USP43: variants seen among roughly 807,000 people sequenced by gnomAD.
USP43 encodes ubiquitin specific peptidase 43.
USP43 carries 33 observed loss-of-function variants against 90.7 expected under a neutral mutation model. The observed-to-expected ratio is 0.36, with a 90% CI of 0.28 to 0.49. The LOEUF is 0.49. Ranked by LOEUF, USP43 falls within the 20% of genes least tolerant of loss-of-function variation. USP43 has a pLI of 0.98. For missense variants in USP43, 1,274 were observed against 1,476.4 expected, an observed-to-expected ratio of 0.86 and a Z score of 2.25; for synonymous variants, 598 against 615.8, an observed-to-expected ratio of 0.97 and a Z score of 0.43.
intron 2 of USP43, among the ~76,000 whole-genome samples, chr17:9,661,415 G>GGA (rs1466620433): frequency 1.3e-5 from 2 of 152,034 alleles, no homozygotes; most frequent in African/African-American, 4.8e-5. Flanking sequence ...GGAGTGCAGT[G>GGA]GAGTGATCAT....
Position 9,701,173 on chromosome 17 carries a change from GCAGCAGCAGGCGCAT to G in USP43, c.1599_1613del (p.Gln533_Gln537del). 1 of 1,541,828 alleles carries G rather than the reference GCAGCAGCAGGCGCAT, an allele frequency of 6.5e-7. No homozygotes were observed. The highest frequency in any genetic ancestry group is 8.8e-7 in the Non-Finnish European group (1 of 1,142,480). On this transcript the variant is annotated inframe_deletion, in exon 11 of 15. Transcript: ENST00000285199. The surrounding 1 kb of genome is among the most constrained non-coding windows in gnomAD (Gnocchi z 7.2). ...CGCAGGATGCCGACAGTGTGTGGCA[GCAGCAGCAGGCGCAT>G]CAGCAGCACAGCTGTACCTTGGATG...
At position 9,690,124 on chromosome 17, in the gene USP43, G is replaced by A. The variant is rs1567666108; in HGVS notation, c.1354-3003G>A. 3.3e-5 allele frequency among the ~76,000 whole-genome samples: 5 copies of A among 152,116 alleles called. 1 individual carries two copies. Among genetic ancestry groups the A allele is most frequent in the South Asian group, 2.1e-4 (1 of 4,832 alleles). On this transcript the variant is annotated intron_variant, in intron 8 of 14. Transcript: ENST00000285199. Reference sequence around the variant, plus strand: ...CTTGTGGCCGATGCTCCCTGCACACGTCAGCTCCCACAGCCAAAGGGGTCG... The same window carrying A: ...CTTGTGGCCGATGCTCCCTGCACACATCAGCTCCCACAGCCAAAGGGGTCG...
intron 14 of USP43, among the ~76,000 whole-genome samples, chr17:9,723,176 A>C (rs1295058193): frequency 6.6e-6 from 1 of 152,144 alleles, no homozygotes; most frequent in Non-Finnish European, 1.5e-5. Flanking sequence ...CCAGGGTTGC[A>C]GGTGAGAAGC....
At chr17:9,650,903 A>G (rs1347535317) in intron 1 of USP43, among the ~76,000 whole-genome samples, 1 of 151,930 alleles carries the variant, frequency 6.6e-6, no homozygotes, top group African/African-American at 2.4e-5. Flanking sequence ...TAAGTTCTTT[A>G]GTGGTGATTT....
chr17:9,681,878 G>A (rs1914311780), intron 6 of USP43, among the ~76,000 whole-genome samples: 1 of 152,134 alleles, frequency 6.6e-6, no homozygotes, highest in Non-Finnish European at 1.5e-5. Context: ...ATTTTGGCCA[G>A]CCTAGGTAGC....
chr17:9,697,799 G>T (rs1432559113), intron 9 of USP43, among the ~76,000 whole-genome samples: 1 of 152,002 alleles, frequency 6.6e-6, no homozygotes, highest in Non-Finnish European at 1.5e-5. Flanking sequence ...TGACAAACGT[G>T]TGAGTGCAGG....
chr17:9,692,648 A>G (rs1251306132), intron 8 of USP43, among the ~76,000 whole-genome samples: 1 of 152,238 alleles, frequency 6.6e-6, no homozygotes, highest in Admixed American at 6.5e-5. Flanking sequence ...TAGAATAATA[A>G]CTAAGGTGCT....
intron 8 of USP43, among the ~76,000 whole-genome samples, chr17:9,688,850 C>G (rs1266148216): frequency 6.6e-6 from 1 of 152,058 alleles, no homozygotes; most frequent in Non-Finnish European, 1.5e-5. Context: ...CCGTACCCAG[C>G]TAACTTTTTT....
At chr17:9,697,370 C>G (rs992723865) in intron 9 of USP43, among the ~76,000 whole-genome samples, 1 of 151,404 alleles carries the variant, frequency 6.6e-6, no homozygotes, top group Non-Finnish European at 1.5e-5. Context: ...GGTACGAGTG[C>G]AGGTTTTTAC....
rs1370871349 is a variant in USP43, at chr17:9,645,536, C to G, written c.-97C>G. The G allele has an allele frequency of 5.4e-5, 59 of 1,096,082 alleles. No homozygotes were observed. Among genetic ancestry groups the G allele is most frequent in the Non-Finnish European group, 6.5e-5 (58 of 889,532 alleles). 67.9% of individuals were successfully genotyped at this position (1,096,082 alleles called of 1,614,324 possible). A position where few individuals can be genotyped will look rare whatever the true frequency, so the allele number is the denominator to read the frequency against. ...CCCCGCACACCTGGCCCGCAGGTAG[C>G]CGGCACCAGGAGCCTTAGAGAAGCT... is the stretch of plus-strand genomic sequence containing the variant. On this transcript the variant is annotated 5_prime_UTR_variant, in exon 1 of 15. Coordinates refer to ENST00000285199, the MANE Select transcript of USP43 (RefSeq NM_153210.5). The surrounding 1 kb of genome is among the most constrained non-coding windows in gnomAD (Gnocchi z 6.8).
At chr17:9,650,336 T>C (rs1248178535) in intron 1 of USP43, among the ~76,000 whole-genome samples, 1 of 152,196 alleles carries the variant, frequency 6.6e-6, no homozygotes, top group Non-Finnish European at 1.5e-5. Context: ...AAGCATAAAA[T>C]TTAGGAAGTT....
intron 12 of USP43, among the ~76,000 whole-genome samples, chr17:9,706,862 C>T (rs1915913767): frequency 6.6e-6 from 1 of 151,848 alleles, no homozygotes; most frequent in Admixed American, 6.6e-5. Flanking sequence ...CCAGGCTGGT[C>T]TTGAACTCCT....
chr17:9,652,813 A>G (rs1173738774), intron 1 of USP43, among the ~76,000 whole-genome samples: 1 of 152,286 alleles, frequency 6.6e-6, no homozygotes, highest in Non-Finnish European at 1.5e-5. Context: ...ACAAATGAAA[A>G]TAAAACAATT....
rs1485355434 is a variant in USP43 at position 9,701,516 on chromosome 17, G to T, written c.1827G>T (p.Pro609=). The change falls in exon 12 of 15, where the codon CCG becomes CCT. Residue 609 remains proline (P), a synonymous_variant. Transcript: ENST00000285199. This position sits in a 1 kb window ranked among gnomAD's most constrained non-coding sequence, Gnocchi z 7.2. ...AGCTCTCCACGCTGGTGAAGTTTCC[G>T]CTCTCTGGACTCAACATGGCTCCCC... ...RNKLSTLVKF[P]LSGLNMAPHV... 1.3e-6 allele frequency: 2 copies of T among 1,566,636 alleles called. No homozygotes were observed. The highest frequency in any genetic ancestry group is 1.9e-5 in the Admixed American group (1 of 52,380).
chr17:9,693,127 A>G lies in USP43; in HGVS notation c.1354A>G (p.Asn452Asp). ...HLMKSEAPVQ[N>D]LGSLFSIRVV... Reference sequence around the variant, plus strand: ...TCCATGTCTGTTTTTGTCTTCGCAGAACCTGGGGTCTCTGTTCTCCATCCG... The same window carrying G: ...TCCATGTCTGTTTTTGTCTTCGCAGGACCTGGGGTCTCTGTTCTCCATCCG... Residue 452 changes from asparagine (N) to aspartate (D), a missense_variant and splice_region_variant, in exon 9 of 15, where the codon AAC (asparagine) becomes GAC (aspartate). By Grantham distance (23) the Asn-to-Asp change is conservative. This residue lies in a region of USP43 where 253 missense variants were observed against 276.0 expected (regional missense o/e 0.92). Transcript: ENST00000285199. The G allele has an allele frequency of 1.9e-6, 3 of 1,613,434 alleles. No homozygotes were observed. Among genetic ancestry groups the G allele is most frequent in the Admixed American group, 1.7e-5 (1 of 59,954 alleles).
At chr17:9,651,223 C>T (rs1280855371) in intron 1 of USP43, among the ~76,000 whole-genome samples, 1 of 151,934 alleles carries the variant, frequency 6.6e-6, no homozygotes, top group East Asian at 1.9e-4. Context: ...GAGTCTCACT[C>T]TGTCACCCAG....
chr17:9,691,056 T>C (rs577994380), intron 8 of USP43, among the ~76,000 whole-genome samples: 2 of 152,246 alleles, frequency 1.3e-5, no homozygotes, highest in Admixed American at 1.3e-4. Flanking sequence ...TTTCACTAAA[T>C]GTCATGTTTT....
intron 2 of USP43, among the ~76,000 whole-genome samples, chr17:9,665,196 A>G (rs191158053): frequency 2.4e-4 from 36 of 152,332 alleles, no homozygotes; most frequent in African/African-American, 7.9e-4. Context: ...TAGGGCACAC[A>G]GAAGCCCTGA....
chr17:9,707,695 C>CT (rs1915965549), intron 12 of USP43, among the ~76,000 whole-genome samples: 6 of 144,962 alleles, frequency 4.1e-5, no homozygotes, highest in African/African-American at 1.5e-4. Context: ...ATTTATTAAA[C>CT]ATTTTTTTTT....
Sources: gnomAD v4.1 joint callset for allele counts (sites outside exome capture counted in the v4.1 genomes callset) on GRCh38, gnomAD v4.1.1 for gene constraint, gnomAD v4.1.1 regional missense constraint, Gnocchi (gnomAD v3.1) non-coding constraint, MANE v1.5 for transcripts, NCBI Gene and HGNC (gene_info 2026-07-23, HGNC 2026-07-21) for gene names.